The following ALX4 variants were observed in gnomAD, a reference collection of about 807,000 sequenced individuals.
ALX4 encodes the protein ALX homeobox 4.
In ALX4, 22 loss-of-function variants were observed where a neutral mutation model predicts 40.6. That is an observed-to-expected ratio of 0.54 (90% CI 0.39 to 0.77). The LOEUF (loss-of-function observed/expected upper bound fraction) is 0.77, where lower values mean the gene tolerates loss of function less well. ALX4 is among the 30% of genes least tolerant of loss of function. ALX4 has a pLI of 0.00. For synonymous variants in ALX4, 266 were observed against 240.5 expected, an observed-to-expected ratio of 1.11 and a Z score of -0.98; for missense variants, 556 against 564.8, an observed-to-expected ratio of 0.98 and a Z score of 0.16.
At chr11:44,307,011 A>C (rs1590706249) in intron 1 of ALX4, among the ~76,000 whole-genome samples, 1 of 152,182 alleles carries the variant, frequency 6.6e-6, no homozygotes, top group African/African-American at 2.4e-5. Context: ...CTTAGGCAGC[A>C]TGGAGTGGCG....
At chr11:44,285,789 C>T (rs1248480271) in intron 1 of ALX4, among the ~76,000 whole-genome samples, 2 of 152,098 alleles carry the variant, frequency 1.3e-5, no homozygotes, top group African/African-American at 4.8e-5. Context: ...GGCCACCCTT[C>T]TTCCTCCAGG....
At chr11:44,303,582 C>A (rs529447176) in intron 1 of ALX4, among the ~76,000 whole-genome samples, 8 of 152,346 alleles carry the variant, frequency 5.3e-5, no homozygotes, top group Non-Finnish European at 7.3e-5. Flanking sequence ...CTCCTCAGAG[C>A]CTTGCCTCTG....
intron 1 of ALX4, among the ~76,000 whole-genome samples, chr11:44,297,824 A>G (rs1343597784): frequency 6.6e-6 from 1 of 152,064 alleles, no homozygotes; most frequent in African/African-American, 2.4e-5. Context: ...CACTCCACAC[A>G]CTTGCTTCAT....
chr11:44,281,120 C>CTT (rs796184044), intron 1 of ALX4, among the ~76,000 whole-genome samples: 63 of 147,034 alleles, frequency 4.3e-4, no homozygotes, highest in African/African-American at 1.5e-3. Context: ...TTCTTTCTTT[C>CTT]TTTTTTTTTT....
rs575179093 is a variant in ALX4 at position 44,260,497 on chromosome 11, G to A, written c.*4357C>T. 6.6e-6 allele frequency: 1 copy of A among 152,274 alleles called. No homozygotes were observed. The highest frequency in any genetic ancestry group is 2.1e-4 in the South Asian group (1 of 4,810). 9.4% of individuals were successfully genotyped at this position (152,274 alleles called of 1,614,324 possible). Reference sequence around the variant, plus strand: ...TAACAACAACCAAACAGTTTGGGCTGGGCCAGCAAAGGGTGTTCTGGGAGT... The same window carrying A: ...TAACAACAACCAAACAGTTTGGGCTAGGCCAGCAAAGGGTGTTCTGGGAGT... On this transcript the variant is annotated 3_prime_UTR_variant, in exon 4 of 4. Coordinates refer to ENST00000652299, the MANE Select transcript of ALX4 (RefSeq NM_021926.4).
intron 1 of ALX4, among the ~76,000 whole-genome samples, chr11:44,293,620 G>A (rs1956386075): frequency 6.6e-6 from 1 of 152,234 alleles, no homozygotes; most frequent in South Asian, 2.1e-4. Flanking sequence ...CTCTCATGGG[G>A]CTAAATCCTG....
rs891902426 is a variant in ALX4, at chr11:44,262,975, T to G, written c.*1879A>C. 1.3e-5 allele frequency: 2 copies of G among 152,146 alleles called. No homozygotes were observed. The highest frequency in any genetic ancestry group is 4.8e-5 in the African/African-American group (2 of 41,412). 9.4% of individuals were successfully genotyped at this position (152,146 alleles called of 1,614,324 possible). A position where few individuals can be genotyped will look rare whatever the true frequency, so the allele number is the denominator to read the frequency against. ...CATTTAATTCAATGTCCAAGACCCT[T>G]TCACCTCTATAAGATCCATTTTAGA... On this transcript the variant is annotated 3_prime_UTR_variant, in exon 4 of 4. Transcript: ENST00000652299.
intron 1 of ALX4, among the ~76,000 whole-genome samples, chr11:44,290,684 G>C (rs905263512): frequency 6.6e-6 from 1 of 152,254 alleles, no homozygotes; most frequent in African/African-American, 2.4e-5. Context: ...AGAAATGGGA[G>C]CCGACTAAAG....
chr11:44,265,365 C>T (rs1182728122), intron 3 of ALX4, among the ~76,000 whole-genome samples, 182 bp from the exon 4 acceptor site: 4 of 152,276 alleles, frequency 2.6e-5, no homozygotes, highest in African/African-American at 9.6e-5. Context: ...ACCTTGGCAT[C>T]TCTGTTCCCA....
At chr11:44,280,266 C>T (rs1956301909) in intron 1 of ALX4, among the ~76,000 whole-genome samples, 2 of 152,282 alleles carry the variant, frequency 1.3e-5, no homozygotes, top group Admixed American at 1.3e-4. Flanking sequence ...TTCATAGGGG[C>T]GGCTCCAGAA....
intron 1 of ALX4, among the ~76,000 whole-genome samples, chr11:44,278,132 A>T (rs1000451284): frequency 1.3e-5 from 2 of 151,434 alleles, no homozygotes; most frequent in African/African-American, 4.9e-5. Context: ...CTGAGCTCTG[A>T]TCCCCAGGCC....
chr11:44,288,023 C>G (rs1956349175), intron 1 of ALX4, among the ~76,000 whole-genome samples: 1 of 152,190 alleles, frequency 6.6e-6, no homozygotes, highest in Non-Finnish European at 1.5e-5. Context: ...GTTGCCCAGG[C>G]TAGAGTGCAG....
At chr11:44,308,279 C>T (rs911701518) in intron 1 of ALX4, among the ~76,000 whole-genome samples, 7 of 152,216 alleles carry the variant, frequency 4.6e-5, no homozygotes, top group African/African-American at 9.7e-5. Context: ...ACTAGTTCTG[C>T]GCCTGTGAAA....
intron 1 of ALX4, among the ~76,000 whole-genome samples, chr11:44,293,353 C>T (rs920082204): frequency 2.0e-5 from 3 of 152,010 alleles, no homozygotes; most frequent in Admixed American, 2.0e-4. Flanking sequence ...CTGAGGTGGG[C>T]GGATCACCTG....
intron 1 of ALX4, among the ~76,000 whole-genome samples, chr11:44,297,677 C>G (rs1462289382): frequency 6.6e-6 from 1 of 152,000 alleles, no homozygotes; most frequent in African/African-American, 2.4e-5. Flanking sequence ...GATTGCGCCA[C>G]TGCACTCCAG....
chr11:44,271,361 G>A (rs2135310364), intron 2 of ALX4, among the ~76,000 whole-genome samples: 1 of 152,354 alleles, frequency 6.6e-6, no homozygotes, highest in South Asian at 2.1e-4. Context: ...CTGAGTGGCT[G>A]CTGTTAACTT....
chr11:44,302,095 C>T (rs1006788923), intron 1 of ALX4, among the ~76,000 whole-genome samples: 2 of 152,134 alleles, frequency 1.3e-5, no homozygotes, highest in African/African-American at 4.8e-5. Context: ...GATGCAAGGG[C>T]GCTTAGTCAT....
At position 44,264,678 on chromosome 11, in the gene ALX4, C is replaced by G; in HGVS notation, c.*176G>C. 1 of 701,356 alleles carries G rather than the reference C, an allele frequency of 1.4e-6. No homozygotes were observed. The highest frequency in any genetic ancestry group is 2.3e-6 in the Non-Finnish European group (1 of 429,002). The allele number at this position is 701,356 out of a possible 1,614,324, so 43.4% of individuals were successfully genotyped here. A position where few individuals can be genotyped will look rare whatever the true frequency, so the allele number is the denominator to read the frequency against. ...AGGGAGGGGCCAGGGGCCTGCTGCC[C>G]CCTCCCTCCCAGCAGTCCACGGGGC... On this transcript the variant is annotated 3_prime_UTR_variant, in exon 4 of 4. Transcript: ENST00000652299.
chr11:44,281,976 C>T (rs547027065), intron 1 of ALX4, among the ~76,000 whole-genome samples: 1 of 152,310 alleles, frequency 6.6e-6, no homozygotes, highest in Non-Finnish European at 1.5e-5. Flanking sequence ...CCTGCTCACC[C>T]ACAGCCACCA....
Sources: allele counts gnomAD v4.1 joint callset (sites outside exome capture counted in the v4.1 genomes callset), GRCh38; gene constraint gnomAD v4.1.1; transcripts MANE v1.5; gene names NCBI Gene and HGNC (gene_info 2026-07-23, HGNC 2026-07-21).